Variants in NCOA2 observed in about 807,000 individuals in gnomAD.
NCOA2 encodes the protein nuclear receptor coactivator 2.
In NCOA2, 21 loss-of-function variants were observed where a neutral mutation model predicts 145.1. That is an observed-to-expected ratio of 0.14 (90% CI 0.10 to 0.21). NCOA2 has a LOEUF of 0.21. Ranked by LOEUF, NCOA2 falls within the 10% of genes least tolerant of loss-of-function variation. The probability of loss-of-function intolerance (pLI) is 1.00; values close to 1 mark genes in which losing one functional copy is unlikely to be tolerated. For missense variants in NCOA2, 1,472 were observed against 1,837.6 expected, an observed-to-expected ratio of 0.80 and a Z score of 3.64; for synonymous variants, 619 against 637.5, an observed-to-expected ratio of 0.97 and a Z score of 0.44.
At chr8:70,158,182 GCAAA>G (rs1201565384) in intron 10 of NCOA2, among the ~76,000 whole-genome samples, 2 of 152,254 alleles carry the variant, frequency 1.3e-5, no homozygotes, top group South Asian at 2.1e-4. Flanking sequence ...TTAACAGTTG[GCAAA>G]CAGAGTTGCC....
At chr8:70,274,216 A>C (rs970436408) in intron 2 of NCOA2, among the ~76,000 whole-genome samples, 2 of 152,120 alleles carry the variant, frequency 1.3e-5, no homozygotes, top group African/African-American at 4.8e-5. Context: ...AAAAAAAAAA[A>C]AAAAAACCTT....
intron 4 of NCOA2, among the ~76,000 whole-genome samples, chr8:70,195,325 T>A (rs1817175127): frequency 6.6e-6 from 1 of 152,184 alleles, no homozygotes; most frequent in Non-Finnish European, 1.5e-5. Context: ...TTACATAGAA[T>A]GAGAAAAGAG....
chr8:70,383,533 T>C (rs1157238665), intron 1 of NCOA2, among the ~76,000 whole-genome samples: 1 of 152,162 alleles, frequency 6.6e-6, no homozygotes, highest in Non-Finnish European at 1.5e-5. Context: ...GAGACAGAGT[T>C]TCGCTCTTGC....
chr8:70,320,790 G>T (rs997309697), intron 1 of NCOA2, among the ~76,000 whole-genome samples: 50 of 151,956 alleles, frequency 3.3e-4, no homozygotes, highest in Non-Finnish European at 1.5e-5. Flanking sequence ...AATAATGAAA[G>T]GTTTTTATCT....
At chr8:70,310,838 G>T (rs1326762124) in intron 1 of NCOA2, among the ~76,000 whole-genome samples, 2 of 151,994 alleles carry the variant, frequency 1.3e-5, no homozygotes, top group African/African-American at 2.4e-5. Context: ...CATCCTCAGG[G>T]CTCTAAAATT....
intron 3 of NCOA2, among the ~76,000 whole-genome samples, chr8:70,215,529 C>G (rs1373350905): frequency 1.3e-5 from 2 of 152,128 alleles, no homozygotes; most frequent in African/African-American, 4.8e-5. Flanking sequence ...TGATGTTTTG[C>G]TTGGCAACTA....
At chr8:70,235,944 C>T (rs994506802) in intron 2 of NCOA2, among the ~76,000 whole-genome samples, 2 of 152,094 alleles carry the variant, frequency 1.3e-5, no homozygotes, top group Non-Finnish European at 2.9e-5. Flanking sequence ...TATCAGTTAT[C>T]CCTACGGGTT....
the NCOA2 span, among the ~76,000 whole-genome samples, chr8:70,453,282 G>A: frequency 6.6e-6 from 1 of 152,108 alleles, no homozygotes; most frequent in East Asian, 1.9e-4. Context: ...ATCGAAATGC[G>A]CCCAATGTCA....
chr8:70,211,189 A>G (rs558517449), intron 4 of NCOA2, among the ~76,000 whole-genome samples: 35 of 152,320 alleles, frequency 2.3e-4, no homozygotes, highest in African/African-American at 8.4e-4. Context: ...GGTCAGGCAC[A>G]GTGGCTCATG....
At chr8:70,205,425 A>G (rs1818333486) in intron 4 of NCOA2, among the ~76,000 whole-genome samples, 1 of 152,166 alleles carries the variant, frequency 6.6e-6, no homozygotes, top group African/African-American at 2.4e-5. Flanking sequence ...ATGAGCCACA[A>G]GAATACAGTA....
chr8:70,430,066 T>C, the NCOA2 span, among the ~76,000 whole-genome samples: 1 of 152,124 alleles, frequency 6.6e-6, no homozygotes, highest in Non-Finnish European at 1.5e-5. Context: ...TTGCTCAGGC[T>C]GATCTTGAAC....
At chr8:70,408,563 C>T (rs1814814977), upstream of NCOA2, among the ~76,000 whole-genome samples, 1 of 152,140 alleles carries the variant, frequency 6.6e-6, no homozygotes, top group African/African-American at 2.4e-5. Context: ...ACTTGGGAAG[C>T]TGAGGCGGGA....
At chr8:70,300,678 G>T (rs1827421149) in intron 1 of NCOA2, among the ~76,000 whole-genome samples, 1 of 152,172 alleles carries the variant, frequency 6.6e-6, no homozygotes, top group South Asian at 2.1e-4. Flanking sequence ...TGAATGGATA[G>T]AAACAGACCC....
the NCOA2 span, among the ~76,000 whole-genome samples, chr8:70,432,881 A>C: frequency 6.6e-6 from 1 of 152,164 alleles, no homozygotes; most frequent in Non-Finnish European, 1.5e-5. Flanking sequence ...TTTTAACAAA[A>C]AACAGCTGAT....
At chr8:70,444,687 C>G in the NCOA2 span, among the ~76,000 whole-genome samples, 1 of 152,136 alleles carries the variant, frequency 6.6e-6, no homozygotes, top group Admixed American at 6.5e-5. Context: ...ATAATTATCT[C>G]AAAATAAAAA....
intron 2 of NCOA2, among the ~76,000 whole-genome samples, chr8:70,256,877 A>G (rs1346424150): frequency 6.6e-6 from 1 of 152,242 alleles, no homozygotes; most frequent in Non-Finnish European, 1.5e-5. Flanking sequence ...GGTTCCTCCA[A>G]ATCTCATGAG....
At chr8:70,125,000 A>G in intron 19 of NCOA2, 135 bp from the exon 20 acceptor site, 2 of 575,098 alleles carry the variant, frequency 3.5e-6, no homozygotes, top group African/African-American at 3.8e-5. Flanking sequence ...TGTACTGATT[A>G]ATTACATACA....
chr8:70,454,806 A>G, the NCOA2 span, among the ~76,000 whole-genome samples: 2 of 152,338 alleles, frequency 1.3e-5, no homozygotes, highest in African/African-American at 4.8e-5. Flanking sequence ...TTTCAGACAC[A>G]AACAAAGAAA....
intron 2 of NCOA2, among the ~76,000 whole-genome samples, chr8:70,269,035 G>C (rs940881690): frequency 2.0e-5 from 3 of 152,126 alleles, no homozygotes; most frequent in Non-Finnish European, 4.4e-5. Flanking sequence ...AAGGAAAAGT[G>C]AAGGGGGGGA....
Sources: gnomAD v4.1 joint callset for allele counts (sites outside exome capture counted in the v4.1 genomes callset) on GRCh38, gnomAD v4.1.1 for gene constraint, MANE v1.5 for transcripts, NCBI Gene and HGNC (gene_info 2026-07-23, HGNC 2026-07-21) for gene names.